DOCK1: variants seen among roughly 807,000 people sequenced by gnomAD.
DOCK1 encodes the protein dedicator of cytokinesis 1.
In DOCK1, 138 loss-of-function variants were observed where a neutral mutation model predicts 262.7. That is an observed-to-expected ratio of 0.53 (90% CI 0.46 to 0.61). The LOEUF (loss-of-function observed/expected upper bound fraction) is 0.61, where lower values mean the gene tolerates loss of function less well. Ranked by LOEUF, DOCK1 falls within the 20% of genes least tolerant of loss-of-function variation. DOCK1 has a pLI of 0.00. For synonymous variants in DOCK1, 866 were observed against 867.4 expected (o/e 1.00, Z 0.03); for missense variants, 1,908 against 2,370.7 (o/e 0.80, Z 4.05).
chr10:127,261,864 G>A lies in DOCK1; in HGVS notation c.3044+4435G>A, dbSNP rs541507721. 6.8e-4 allele frequency among the ~76,000 whole-genome samples: 96 copies of A among 140,430 alleles called. 1 individual carries two copies. The highest frequency in any genetic ancestry group is 1.2e-3 in the Admixed American group (17 of 13,988). The allele number at this position is 140,430 out of a possible 152,430, so 92.1% of individuals were successfully genotyped here. A position where few individuals can be genotyped will look rare whatever the true frequency, so the allele number is the denominator to read the frequency against. ...TGTGCGTGTGTGTACCTGCATGTGGGTGTGCGTGTGTGTACCCGTGCTCAT... is the reference window on the plus strand; with the variant it reads ...TGTGCGTGTGTGTACCTGCATGTGGATGTGCGTGTGTGTACCCGTGCTCAT... On this transcript the variant is annotated intron_variant, in intron 29 of 51. Coordinates refer to ENST00000623213, the MANE Select transcript of DOCK1 (RefSeq NM_001290223.2).
intron 47 of DOCK1, 124 bp downstream of exon 47, chr10:127,426,135 G>A: frequency 2.7e-6 from 4 of 1,499,518 alleles, no homozygotes; most frequent in East Asian, 4.6e-5. Context: ...TAGGAAGTGG[G>A]ATGTGAGGGA....
chr10:127,426,068 T>C, intron 47 of DOCK1, 57 bp downstream of exon 47: 3 of 1,607,738 alleles, frequency 1.9e-6, no homozygotes. Context: ...CATCCCACTG[T>C]TGAACAGGGA....
At chr10:127,401,523 G>A (rs1335243831) in intron 38 of DOCK1, among the ~76,000 whole-genome samples, 1 of 152,134 alleles carries the variant, frequency 6.6e-6, no homozygotes, top group Non-Finnish European at 1.5e-5. Context: ...CCAGCGTCGT[G>A]CACCCCTTTT....
chr10:127,270,985 T>C (rs1350746802), intron 29 of DOCK1, among the ~76,000 whole-genome samples: 1 of 81,410 alleles, frequency 1.2e-5, no homozygotes, highest in Non-Finnish European at 2.6e-5. Flanking sequence ...TTAACAAAAG[T>C]TATATATGTG....
chr10:127,100,562 A>G lies in DOCK1; in HGVS notation c.2446-5669A>G, dbSNP rs1054116393. Among the ~76,000 whole-genome samples, 6 of 151,840 alleles carry G rather than the reference A, an allele frequency of 4.0e-5. No homozygotes were observed. The highest frequency in any genetic ancestry group is 1.5e-4 in the African/African-American group (6 of 41,326). On this transcript the variant is annotated intron_variant, in intron 23 of 51. Transcript: ENST00000623213. The surrounding 1 kb of genome is among the most constrained non-coding windows in gnomAD (Gnocchi z 5.5). ...GGAGGAAGGGGAGCCCTGGAGATGGATCAGAATTGGGAGTCATTGGCATGG... is the reference window on the plus strand; with the variant it reads ...GGAGGAAGGGGAGCCCTGGAGATGGGTCAGAATTGGGAGTCATTGGCATGG...
Position 127,425,877 on chromosome 10 carries a change from C to G in DOCK1, c.4780C>G (p.Pro1594Ala). The G allele has an allele frequency of 1.2e-6, 2 of 1,613,986 alleles. No individual in the cohort carries two copies. The highest frequency in any genetic ancestry group is 1.7e-6 in the Non-Finnish European group (2 of 1,179,886). ...TGTCAACCTCTCTGTTTTCCAGATT[C>G]CTTTTCTGGCCGAAGGGATCAGAAT... ...KLKDLIAWQI[P>A]FLAEGIRIHG... Residue 1594 changes from proline (P) to alanine (A), a missense_variant, in exon 47 of 52, where the codon CCT becomes GCT. Pro to Ala is a conservative substitution (Grantham distance 27). Transcript: ENST00000623213.
intron 27 of DOCK1, 68 bp downstream of exon 27, chr10:127,127,832 T>C (rs1193247344): frequency 2.9e-6 from 4 of 1,375,502 alleles, no homozygotes; most frequent in Non-Finnish European, 4.1e-6. Flanking sequence ...CAACTGCTGT[T>C]TGAACATAGC....
intron 31 of DOCK1, among the ~76,000 whole-genome samples, chr10:127,351,429 A>C (rs2063874668): frequency 6.6e-6 from 1 of 152,200 alleles, no homozygotes. Context: ...GTGAAAGGAA[A>C]GCACTTTGAA....
chr10:127,178,516 CAG>C (rs1564875439), intron 27 of DOCK1, among the ~76,000 whole-genome samples: 1 of 152,194 alleles, frequency 6.6e-6, no homozygotes, highest in Non-Finnish European at 1.5e-5. Context: ...AGCCTGGGAG[CAG>C]AGTCTTGCCT....
intron 10 of DOCK1, chr10:127,007,434 A>G (rs1312914512): frequency 6.6e-6 from 1 of 152,250 alleles, no homozygotes; most frequent in Admixed American, 6.5e-5. Context: ...TGGGCTACAG[A>G]GAGACCCTTC....
At chr10:126,973,876 GAT>G (rs2038304337) in intron 2 of DOCK1, among the ~76,000 whole-genome samples, 2 of 151,880 alleles carry the variant, frequency 1.3e-5, no homozygotes, top group African/African-American at 4.8e-5. Context: ...TAGCAAGTTT[GAT>G]TTTCTTTTTT....
Position 126,970,772 on chromosome 10 carries a change from A to G in DOCK1, c.117A>G (p.Leu39=). Residue 39 remains leucine, a synonymous_variant, in exon 2 of 52, where the codon TTA becomes TTG. Transcript: ENST00000623213. ...AGATCGGAGACACTGTGCACATCTT[A>G]GAAACATATGAAGGTGCGTATGCAT... The part of the protein sequence containing the change: ...SLQIGDTVHI[L]ETYEGWYRGY... 9 of 1,612,904 alleles carry G rather than the reference A, an allele frequency of 5.6e-6. No homozygotes were observed. The highest frequency in any genetic ancestry group is 7.6e-6 in the Non-Finnish European group (9 of 1,179,112).
At chr10:126,970,290 A>G (rs538640984) in intron 1 of DOCK1, among the ~76,000 whole-genome samples, 1 of 152,362 alleles carries the variant, frequency 6.6e-6, no homozygotes, top group South Asian at 2.1e-4. Context: ...CTGTGATTGT[A>G]AAATCTATTG....
At chr10:126,924,786 G>A (rs993716341) in intron 1 of DOCK1, among the ~76,000 whole-genome samples, 6 of 152,222 alleles carry the variant, frequency 3.9e-5, no homozygotes, top group Non-Finnish European at 7.3e-5. Context: ...TTATAGACAG[G>A]CACTTAAAGG....
chr10:127,282,748 G>A (rs1312195444), intron 29 of DOCK1, among the ~76,000 whole-genome samples: 1 of 152,212 alleles, frequency 6.6e-6, no homozygotes, highest in African/African-American at 2.4e-5. Context: ...TCCTCCCTCA[G>A]TTTCTTCTGA....
chr10:127,077,252 G>A (rs547543962), intron 23 of DOCK1, among the ~76,000 whole-genome samples: 4 of 152,132 alleles, frequency 2.6e-5, no homozygotes, highest in African/African-American at 9.6e-5. Flanking sequence ...AAAATTAGCT[G>A]GGCGTGGTGG....
intron 29 of DOCK1, among the ~76,000 whole-genome samples, chr10:127,303,002 G>A (rs533741132): frequency 2.0e-5 from 3 of 152,214 alleles, no homozygotes; most frequent in East Asian, 3.9e-4. Context: ...TTGCGTTTAA[G>A]TTTATAATCA....
chr10:126,948,960 A>T (rs1219584975), intron 1 of DOCK1, among the ~76,000 whole-genome samples: 1 of 151,990 alleles, frequency 6.6e-6, no homozygotes, highest in Non-Finnish European at 1.5e-5. Flanking sequence ...GGCTTTCAGA[A>T]TCCCTTTCAG....
chr10:127,324,807 C>A (rs2062688015), intron 29 of DOCK1, among the ~76,000 whole-genome samples: 1 of 152,148 alleles, frequency 6.6e-6, no homozygotes, highest in South Asian at 2.1e-4. Context: ...TCATAAAACC[C>A]CCTTCCCTGT....
Sources: gnomAD v4.1 joint callset for allele counts (sites outside exome capture counted in the v4.1 genomes callset) on GRCh38, gnomAD v4.1.1 for gene constraint, Gnocchi (gnomAD v3.1) non-coding constraint, MANE v1.5 for transcripts, NCBI Gene and HGNC (gene_info 2026-07-23, HGNC 2026-07-21) for gene names.